Variants in THRB observed in about 807,000 individuals in gnomAD.
The protein encoded by THRB is nuclear receptor subfamily 1 group A member 2.
In THRB, 12 loss-of-function variants were observed where a neutral mutation model predicts 47.8. The ratio of observed to expected loss-of-function variants is 0.25; its 90% CI spans 0.16 to 0.41. THRB has a LOEUF of 0.41. Among genes scored for constraint, THRB ranks in the 10% least tolerant of loss-of-function variants. THRB has a pLI of 1.00. For synonymous variants in THRB, 218 were observed against 212.2 expected (o/e 1.03, Z -0.24); for missense variants, 348 against 589.2 (o/e 0.59, Z 4.24).
intron 5 of THRB, among the ~76,000 whole-genome samples, chr3:24,157,807 A>G (rs955681608): frequency 3.3e-5 from 5 of 152,212 alleles, no homozygotes; most frequent in African/African-American, 9.6e-5. Context: ...TTGGGACTAC[A>G]GGCATGAGCC....
intron 3 of THRB, among the ~76,000 whole-genome samples, chr3:24,277,939 T>C (rs1174555732): frequency 6.6e-6 from 1 of 152,144 alleles, no homozygotes; most frequent in Non-Finnish European, 1.5e-5. Context: ...TGCATTCACC[T>C]GCCAATAATT....
intron 1 of THRB, among the ~76,000 whole-genome samples, chr3:24,373,861 G>A (rs1312383338): frequency 1.3e-5 from 2 of 152,084 alleles, no homozygotes; most frequent in African/African-American, 4.8e-5. Context: ...ACACTGCTGA[G>A]TGTTCAAACT....
At chr3:24,428,831 C>T (rs929010978) in intron 1 of THRB, among the ~76,000 whole-genome samples, 1 of 150,800 alleles carries the variant, frequency 6.6e-6, no homozygotes. Flanking sequence ...AAAAAAGATA[C>T]CTTAAATGGT....
At chr3:24,347,090 A>G (rs1399860209) in intron 1 of THRB, among the ~76,000 whole-genome samples, 2 of 152,050 alleles carry the variant, frequency 1.3e-5, no homozygotes, top group Non-Finnish European at 2.9e-5. Flanking sequence ...CAATAATAAA[A>G]TAACTAAAAA....
At chr3:24,267,746 A>G (rs1243087870) in intron 3 of THRB, among the ~76,000 whole-genome samples, 1 of 152,082 alleles carries the variant, frequency 6.6e-6, no homozygotes, top group East Asian at 1.9e-4. Flanking sequence ...ATTTTCATCC[A>G]CTGACCACAC....
intron 1 of THRB, among the ~76,000 whole-genome samples, chr3:24,469,116 T>C (rs2074371951): frequency 6.6e-6 from 1 of 152,136 alleles, no homozygotes; most frequent in Non-Finnish European, 1.5e-5. Flanking sequence ...CGCTGGAATG[T>C]TTTCCCTGAT....
intron 1 of THRB, among the ~76,000 whole-genome samples, chr3:24,350,800 T>C (rs1241629715): frequency 6.6e-6 from 1 of 152,096 alleles, no homozygotes; most frequent in Non-Finnish European, 1.5e-5. Flanking sequence ...TGTGTGTATG[T>C]TTCATTTTAA....
rs541531372 is a variant in THRB at position 24,416,319 on chromosome 3, G to C, written c.-261+78333C>G. On this transcript the variant is annotated intron_variant, in intron 1 of 10. Coordinates refer to ENST00000646209, the MANE Select transcript of THRB (RefSeq NM_001354712.2). Reference sequence around the variant, plus strand: ...ACAGAATAGAATACAGTAGCCAGTAGAAGCGTTCTCCAGGGCAATATGTGT... The same window carrying C: ...ACAGAATAGAATACAGTAGCCAGTACAAGCGTTCTCCAGGGCAATATGTGT... Among the ~76,000 whole-genome samples the C allele has an allele frequency of 9.2e-5, 14 of 151,892 alleles. No individual in the cohort carries two copies. In the South Asian group the frequency reaches 2.9e-3, roughly 31 times the overall value.
At chr3:24,140,687 C>T (rs745976682) in intron 8 of THRB, among the ~76,000 whole-genome samples, 7 of 152,182 alleles carry the variant, frequency 4.6e-5, no homozygotes, top group Non-Finnish European at 1.0e-4. Flanking sequence ...TTAGAAGTAA[C>T]TTAAATATCA....
At chr3:24,214,667 G>A (rs1451369290) in intron 4 of THRB, among the ~76,000 whole-genome samples, 1 of 152,200 alleles carries the variant, frequency 6.6e-6, no homozygotes, top group Non-Finnish European at 1.5e-5. Context: ...TGATCTGTCA[G>A]TGAGTAGGAG....
chr3:24,165,479 C>T (rs1291629838), intron 5 of THRB: 9 of 596,022 alleles, frequency 1.5e-5, no homozygotes, highest in East Asian at 2.7e-5. Flanking sequence ...ACATGAAACG[C>T]GAAGGGAAGA....
chr3:24,268,742 C>A (rs752270545), intron 3 of THRB, among the ~76,000 whole-genome samples: 2 of 151,978 alleles, frequency 1.3e-5, no homozygotes, highest in African/African-American at 4.8e-5. Context: ...AATGTTTGTG[C>A]CTGTTATCTC....
chr3:24,284,998 T>A (rs539854675), intron 3 of THRB, among the ~76,000 whole-genome samples: 1 of 152,196 alleles, frequency 6.6e-6, no homozygotes, highest in South Asian at 2.1e-4. Context: ...TGTAAACTAG[T>A]TCAACCATTG....
intron 2 of THRB, among the ~76,000 whole-genome samples, chr3:24,313,049 T>C (rs1300016474): frequency 6.6e-6 from 1 of 152,026 alleles, no homozygotes; most frequent in Non-Finnish European, 1.5e-5. Flanking sequence ...AGAGTTTGGA[T>C]TTGGGGGTGA....
intron 2 of THRB, among the ~76,000 whole-genome samples, chr3:24,309,192 T>A (rs1030410211): frequency 3.9e-5 from 6 of 152,220 alleles, no homozygotes; most frequent in African/African-American, 1.4e-4. Context: ...TATTATGATT[T>A]AAAATTCCAA....
chr3:24,358,179 T>C (rs1467417709), intron 1 of THRB, among the ~76,000 whole-genome samples: 2 of 152,206 alleles, frequency 1.3e-5, no homozygotes, highest in African/African-American at 4.8e-5. Flanking sequence ...AAGAGTGCTG[T>C]ATATAGTAAT....
chr3:24,193,315 A>G (rs1011896892), intron 4 of THRB, among the ~76,000 whole-genome samples: 1 of 152,218 alleles, frequency 6.6e-6, no homozygotes, highest in African/African-American at 2.4e-5. Context: ...CTATTAAACA[A>G]CACTGAAGAC....
chr3:24,240,825 C>T (rs1461909892), intron 3 of THRB, among the ~76,000 whole-genome samples: 3 of 150,282 alleles, frequency 2.0e-5, no homozygotes, highest in Non-Finnish European at 4.4e-5. Flanking sequence ...TTTCCAGGGC[C>T]CACATGTTGA....
intron 5 of THRB, among the ~76,000 whole-genome samples, chr3:24,188,129 G>A (rs1347559498): frequency 6.6e-6 from 1 of 152,194 alleles, no homozygotes; most frequent in East Asian, 1.9e-4. Flanking sequence ...TAACGTCCCT[G>A]AAGCCTCATG....
Sources: gnomAD v4.1 joint callset for allele counts (sites outside exome capture counted in the v4.1 genomes callset) on GRCh38, gnomAD v4.1.1 for gene constraint, MANE v1.5 for transcripts, NCBI Gene and HGNC (gene_info 2026-07-23, HGNC 2026-07-21) for gene names.